The following BTBD8 variants were observed in gnomAD, a reference collection of about 807,000 sequenced individuals.
The protein encoded by BTBD8 is BTB domain containing 8, also known as BTB/POZ domain-containing protein 8.
BTBD8 carries 110 observed loss-of-function variants against 162.9 expected under a neutral mutation model. The ratio of observed to expected loss-of-function variants is 0.68; its 90% CI spans 0.58 to 0.79. The LOEUF (loss-of-function observed/expected upper bound fraction) is 0.79, where lower values mean the gene tolerates loss of function less well. BTBD8 is among the 30% of genes least tolerant of loss of function. The pLI, the probability that BTBD8 is intolerant of heterozygous loss-of-function variation, is 0.00. For missense variants in BTBD8, 1,905 were observed against 2,085.4 expected (o/e 0.91, Z 1.68); for synonymous variants, 667 against 716.1 (o/e 0.93, Z 1.10).
chr1:92,163,824 T>C (rs1183090640), intron 9 of BTBD8, among the ~76,000 whole-genome samples: 1 of 152,200 alleles, frequency 6.6e-6, no homozygotes, highest in Non-Finnish European at 1.5e-5. Flanking sequence ...TGGAATAAGA[T>C]CATGTATCAT....
At chr1:92,183,235 T>G (rs1212225072) in intron 17 of BTBD8, among the ~76,000 whole-genome samples, 1 of 152,202 alleles carries the variant, frequency 6.6e-6, no homozygotes, top group Non-Finnish European at 1.5e-5. Flanking sequence ...GTTTTTTGTC[T>G]TCCTTATTAT....
chr1:92,087,597 G>A (rs1358215465), intron 1 of BTBD8, among the ~76,000 whole-genome samples: 1 of 152,060 alleles, frequency 6.6e-6, no homozygotes, highest in Non-Finnish European at 1.5e-5. Context: ...TTGTCCGTGG[G>A]GAGTTCATTG....
intron 9 of BTBD8, among the ~76,000 whole-genome samples, chr1:92,155,989 G>T (rs1191168550): frequency 6.6e-6 from 1 of 152,162 alleles, no homozygotes; most frequent in East Asian, 1.9e-4. Flanking sequence ...TGGAGAGAAT[G>T]AGCATCCTTG....
At chr1:92,087,592 C>A (rs373898617) in intron 1 of BTBD8, among the ~76,000 whole-genome samples, 1 of 151,888 alleles carries the variant, frequency 6.6e-6, no homozygotes, top group Non-Finnish European at 1.5e-5. Flanking sequence ...AGTTTTTGTC[C>A]GTGGGGAGTT....
chr1:92,162,775 A>G (rs1291322604), intron 9 of BTBD8, among the ~76,000 whole-genome samples: 1 of 152,102 alleles, frequency 6.6e-6, no homozygotes, highest in Non-Finnish European at 1.5e-5. Context: ...CTCAGGCTCA[A>G]TTTTTAGGCA....
At chr1:92,150,929 A>G (rs1363013621) in intron 9 of BTBD8, 1 of 152,198 alleles carries the variant, frequency 6.6e-6, no homozygotes, top group Admixed American at 6.5e-5. Flanking sequence ...CCTCCTATGT[A>G]TATATAAATA....
At chr1:92,086,149 G>A (rs1648153224) in intron 1 of BTBD8, among the ~76,000 whole-genome samples, 1 of 152,128 alleles carries the variant, frequency 6.6e-6, no homozygotes. Context: ...TATGAGCCTG[G>A]GAGTGCTAGA....
At chr1:92,169,803 T>C (rs1372998905) in intron 12 of BTBD8, among the ~76,000 whole-genome samples, 4 of 152,222 alleles carry the variant, frequency 2.6e-5, no homozygotes, top group Admixed American at 1.3e-4. Context: ...TTAAATTCTT[T>C]AGTGGTATCA....
At chr1:92,138,518 A>T (rs1352916762) in intron 5 of BTBD8, among the ~76,000 whole-genome samples, 1 of 152,232 alleles carries the variant, frequency 6.6e-6, no homozygotes, top group Non-Finnish European at 1.5e-5. Context: ...CCTGAGAGAA[A>T]GTTTGAATCT....
Position 92,176,827 on chromosome 1 carries a change from A to T in BTBD8, c.1636-2A>T. Reference sequence around the variant, plus strand: ...ACAAAGTATTTTTTTTCTTTTTTATAGCAAAGGAAACAAGTTTCTGACTCT... The same window carrying T: ...ACAAAGTATTTTTTTTCTTTTTTATTGCAAAGGAAACAAGTTTCTGACTCT... On this transcript the variant is annotated splice_acceptor_variant, in intron 13 of 17. Coordinates refer to ENST00000636805, the MANE Select transcript of BTBD8 (RefSeq NM_001376131.1). LOFTEE classifies it high-confidence loss of function. 7.4e-7 allele frequency: 1 copy of T among 1,344,894 alleles called. No individual in the cohort carries two copies. The allele number at this position is 1,344,894 out of a possible 1,614,324, so 83.3% of individuals were successfully genotyped here.
At chr1:92,112,350 G>A (rs1004114772) in intron 4 of BTBD8, among the ~76,000 whole-genome samples, 1 of 152,082 alleles carries the variant, frequency 6.6e-6, no homozygotes, top group African/African-American at 2.4e-5. Flanking sequence ...GTTGCAATGA[G>A]CCAGTGAGTG....
chr1:92,177,156 C>T lies in BTBD8; in HGVS notation c.1963C>T (p.Pro655Ser), dbSNP rs1650741537. Residue 655 changes from proline (P) to serine (S), a missense_variant, in exon 14 of 18, where the codon CCT (proline) becomes TCT (serine). Transcript: ENST00000636805. ...GDKARLENMS[P>S]RQVVERSATA... ...TAAGGCACGGTTGGAAAACATGTCA[C>T]CTAGACAAGTTGTAGAAAGATCAGC... 2 of 1,551,616 alleles carry T rather than the reference C, an allele frequency of 1.3e-6. No individual in the cohort carries two copies. The highest frequency in any genetic ancestry group is 1.7e-6 in the Non-Finnish European group (2 of 1,146,988).
chr1:92,179,622 A>G (rs929339038), intron 16 of BTBD8, among the ~76,000 whole-genome samples: 4 of 152,182 alleles, frequency 2.6e-5, no homozygotes, highest in Non-Finnish European at 1.5e-5. Flanking sequence ...TGAATGTCCA[A>G]AATATCATCT....
chr1:92,164,976 C>G (rs1650353499), intron 9 of BTBD8, among the ~76,000 whole-genome samples: 1 of 151,490 alleles, frequency 6.6e-6, no homozygotes, highest in Admixed American at 6.6e-5. Flanking sequence ...AAAAAATTAG[C>G]TGGGTGTGGT....
chr1:92,111,770 A>G (rs554444214), intron 4 of BTBD8, among the ~76,000 whole-genome samples: 4 of 152,350 alleles, frequency 2.6e-5, no homozygotes, highest in South Asian at 4.1e-4. Context: ...GTTAGTTGCT[A>G]TAAGTGTGTG....
At chr1:92,166,875 C>T (rs1323810982) in intron 9 of BTBD8, 83 bp from the exon 10 acceptor site, 12 of 1,367,288 alleles carry the variant, frequency 8.8e-6, no homozygotes, top group Non-Finnish European at 1.2e-5. Flanking sequence ...CATCCCATAA[C>T]AACAAAAGTA....
intron 2 of BTBD8, among the ~76,000 whole-genome samples, chr1:92,099,251 C>T (rs1340448147): frequency 6.6e-6 from 1 of 152,112 alleles, no homozygotes; most frequent in African/African-American, 2.4e-5. Flanking sequence ...ATCTACATGT[C>T]CACCATTCTT....
At chr1:92,118,142 A>G (rs1012734085) in intron 4 of BTBD8, among the ~76,000 whole-genome samples, 1 of 151,982 alleles carries the variant, frequency 6.6e-6, no homozygotes, top group Admixed American at 6.5e-5. Flanking sequence ...GTTATTAACT[A>G]AAGTCTGTAG....
intron 4 of BTBD8, among the ~76,000 whole-genome samples, chr1:92,109,135 C>A (rs1475423332): frequency 3.9e-5 from 6 of 152,010 alleles, no homozygotes; most frequent in Non-Finnish European, 7.4e-5. Context: ...GTGAAATCTG[C>A]ATTAAAGGTT....
Sources: gnomAD v4.1 joint callset for allele counts (sites outside exome capture counted in the v4.1 genomes callset) on GRCh38, gnomAD v4.1.1 for gene constraint, MANE v1.5 for transcripts, NCBI Gene and HGNC (gene_info 2026-07-23, HGNC 2026-07-21) for gene names.